PCTP: variants seen among roughly 807,000 people sequenced by gnomAD.
PCTP encodes the protein phosphatidylcholine transfer protein.
PCTP carries 27 observed loss-of-function variants against 31.0 expected under a neutral mutation model. The ratio of observed to expected loss-of-function variants is 0.87; its 90% confidence interval spans 0.64 to 1.20. PCTP has a LOEUF of 1.20. Among genes scored for constraint, PCTP ranks in the 50% most tolerant of loss-of-function variants. PCTP has a pLI of 0.00. For synonymous variants in PCTP, 108 were observed against 101.2 expected (o/e 1.07, Z -0.40); for missense variants, 287 against 268.2 (o/e 1.07, Z -0.49).
At chr17:55,796,071 T>G (rs1451961565) in intron 3 of PCTP, among the ~76,000 whole-genome samples, 1 of 151,866 alleles carries the variant, frequency 6.6e-6, no homozygotes. Flanking sequence ...GGATGGGAAT[T>G]TTTGGGAGAA....
intron 5 of PCTP, among the ~76,000 whole-genome samples, chr17:55,829,623 C>G (rs1905527268): frequency 6.6e-6 from 1 of 151,908 alleles, no homozygotes; most frequent in Non-Finnish European, 1.5e-5. Flanking sequence ...ACTGTGTGAT[C>G]TTGACCAATC....
chr17:55,824,022 T>C (rs565440957), downstream of PCTP, among the ~76,000 whole-genome samples: 2 of 152,334 alleles, frequency 1.3e-5, no homozygotes, highest in Admixed American at 1.3e-4. Flanking sequence ...AGATCTCAGA[T>C]CTACTGGTGG....
chr17:55,785,405 T>C (rs574661567), intron 2 of PCTP, among the ~76,000 whole-genome samples: 15 of 152,364 alleles, frequency 9.8e-5, no homozygotes, highest in African/African-American at 3.1e-4. Context: ...GAAGACCTCT[T>C]GATTGCTGCC....
chr17:55,812,586 G>A (rs1354703957), intron 3 of PCTP, among the ~76,000 whole-genome samples: 3 of 152,150 alleles, frequency 2.0e-5, no homozygotes, highest in African/African-American at 4.8e-5. Flanking sequence ...TAATCAGACT[G>A]TCAACATTTC....
intron 1 of PCTP, among the ~76,000 whole-genome samples, chr17:55,754,913 A>G (rs1167260997): frequency 6.6e-6 from 1 of 152,134 alleles, no homozygotes; most frequent in Admixed American, 6.5e-5. Flanking sequence ...TGTCCAATAC[A>G]CACACGCCGC....
downstream of PCTP, among the ~76,000 whole-genome samples, chr17:55,777,836 T>G (rs1488481915): frequency 6.6e-6 from 1 of 152,204 alleles, no homozygotes; most frequent in Non-Finnish European, 1.5e-5. Flanking sequence ...ATCAATAATG[T>G]AGCTGAAATC....
In PCTP at chr17:55,836,554, G is replaced by A. The variant is rs912979741; in HGVS notation, n.506-6173G>A. 2.0e-5 allele frequency among the ~76,000 whole-genome samples: 3 copies of A among 152,114 alleles called. No individual in the cohort carries two copies. The South Asian group carries it at 6.2e-4, about 32-fold the overall frequency. ...CTTTGCAGAACTGGGAGACTTCCTG[G>A]GTTATCTTCAGCAAAACAGACTGCT... On this transcript the variant is annotated intron_variant and non_coding_transcript_variant, in intron 5 of 5. Transcript: ENST00000576221.
chr17:55,837,135 T>G (rs1567735369), intron 5 of PCTP, among the ~76,000 whole-genome samples: 1 of 151,942 alleles, frequency 6.6e-6, no homozygotes, highest in Non-Finnish European at 1.5e-5. Flanking sequence ...CAGCAATGAG[T>G]AGAAGGAAAG....
At chr17:55,797,951 A>G (rs1282039850) in intron 3 of PCTP, among the ~76,000 whole-genome samples, 1 of 152,086 alleles carries the variant, frequency 6.6e-6, no homozygotes, top group African/African-American at 2.4e-5. Context: ...TACTAAATTT[A>G]TAAGACACAA....
intron 3 of PCTP, among the ~76,000 whole-genome samples, chr17:55,799,282 G>C (rs750449485): frequency 6.6e-6 from 1 of 151,922 alleles, no homozygotes; most frequent in African/African-American, 2.4e-5. Flanking sequence ...ATGCAAAAAG[G>C]TTAAAAGTAA....
Position 55,796,539 on chromosome 17 carries a change from C to T in PCTP, c.317+8885C>T, listed in dbSNP as rs761222823. On this transcript the variant is annotated intron_variant, in intron 3 of 3. Coordinates refer to the PCTP transcript ENST00000572536. ...AGTGTAAGAAGGAAAGCAGGGAAAG[C>T]GTCAGCAGACATAGCTAAGCATTTG... Among the ~76,000 whole-genome samples, 163 of 151,978 alleles carry T rather than the reference C, an allele frequency of 1.1e-3. 3 individuals are homozygous for T. Among genetic ancestry groups the T allele is most frequent in the Non-Finnish European group, 1.8e-3 (120 of 67,902 alleles).
chr17:55,763,444 T>TA (rs60917960), intron 1 of PCTP, among the ~76,000 whole-genome samples: 127 of 147,218 alleles, frequency 8.6e-4, no homozygotes, highest in East Asian at 5.1e-3. Flanking sequence ...ACATTTGTAG[T>TA]AAAAAAAAAA....
chr17:55,778,285 G>A (rs6504998), downstream of PCTP, among the ~76,000 whole-genome samples: 56,806 of 151,196 alleles, frequency 0.38, 16,555 homozygotes, highest in African/African-American at 0.82. Context: ...TTCTCAGGGT[G>A]TGTTTTTCTG....
chr17:55,781,256 T>A (rs1438851427), downstream of PCTP, among the ~76,000 whole-genome samples: 1 of 152,252 alleles, frequency 6.6e-6, no homozygotes, highest in Admixed American at 6.5e-5. Context: ...CATCTCTATC[T>A]GCCTCCCGTT....
intron 5 of PCTP, among the ~76,000 whole-genome samples, chr17:55,837,973 CAAAAATAA>C (rs1387950418): frequency 6.6e-6 from 1 of 151,798 alleles, no homozygotes; most frequent in Non-Finnish European, 1.5e-5. Flanking sequence ...CTAATCTCTA[CAAAAATAA>C]AAAAATAAAA....
At chr17:55,761,455 C>T (rs1254424686) in intron 1 of PCTP, among the ~76,000 whole-genome samples, 1 of 150,342 alleles carries the variant, frequency 6.7e-6, no homozygotes, top group East Asian at 1.9e-4. Context: ...TGAATACCAG[C>T]TGGTATTCAC....
At position 55,776,151 on chromosome 17, in the gene PCTP, A is replaced by C. The variant is rs780890795; in HGVS notation, c.*51A>C. The C allele has an allele frequency of 1.2e-5, 19 of 1,607,392 alleles. No individual in the cohort carries two copies. The South Asian group carries it at 1.9e-4, about 16-fold the overall frequency. On this transcript the variant is annotated 3_prime_UTR_variant, in exon 6 of 6. Coordinates refer to ENST00000268896, the MANE Select transcript of PCTP (RefSeq NM_021213.4). ...CATGGGTTGATGTCTCTGGAAGTGCAACCACCCAATGTCTCTGGAAGTGCC... is the reference window on the plus strand; with the variant it reads ...CATGGGTTGATGTCTCTGGAAGTGCCACCACCCAATGTCTCTGGAAGTGCC...
chr17:55,794,329 C>G (rs1236748276), intron 3 of PCTP, among the ~76,000 whole-genome samples: 1 of 151,678 alleles, frequency 6.6e-6, no homozygotes, highest in Non-Finnish European at 1.5e-5. Flanking sequence ...GTCAGTATAA[C>G]TTGGACAACC....
intron 2 of PCTP, chr17:55,769,805 G>C (rs1910880209): frequency 6.6e-6 from 1 of 152,290 alleles, no homozygotes; most frequent in African/African-American, 2.4e-5. Context: ...AATTACTGCA[G>C]AGTCAGTCTT....
Sources: gnomAD v4.1 joint callset for allele counts (sites outside exome capture counted in the v4.1 genomes callset) on GRCh38, gnomAD v4.1.1 for gene constraint, MANE v1.5 for transcripts, NCBI Gene and HGNC (gene_info 2026-07-23, HGNC 2026-07-21) for gene names.